The following WASHC2A variants were observed in gnomAD, a reference collection of about 807,000 sequenced individuals.
WASHC2A encodes WASH complex subunit 2A.
Under a neutral mutation model 140.3 loss-of-function variants are expected in WASHC2A, and 82 were observed. The observed-to-expected ratio is 0.58, with a 90% CI of 0.49 to 0.70. The LOEUF (loss-of-function observed/expected upper bound fraction) is 0.70, where lower values mean the gene tolerates loss of function less well. Ranked by LOEUF, WASHC2A falls within the 30% of genes least tolerant of loss-of-function variation. The pLI is 0.00. For synonymous variants in WASHC2A, 340 were observed against 560.8 expected, an observed-to-expected ratio of 0.61 and a Z score of 5.56; for missense variants, 985 against 1,521.8, an observed-to-expected ratio of 0.65 and a Z score of 5.87.
chr10:50,084,306 AC>A, intron 6 of WASHC2A, 141 bp downstream of exon 6: 1 of 806,888 alleles, frequency 1.2e-6, no homozygotes, highest in Non-Finnish European at 1.9e-6. Flanking sequence ...TTAACATTTC[AC>A]CACATTTGTT....
intron 3 of WASHC2A, among the ~76,000 whole-genome samples, chr10:50,072,600 A>C (rs1417892777): frequency 1.7e-3 from 252 of 144,404 alleles, no homozygotes; most frequent in African/African-American, 2.4e-3. Flanking sequence ...CATTCTCCTG[A>C]CTCAGCCTCC....
At chr10:50,091,617 T>A in intron 10 of WASHC2A, 99 bp downstream of exon 10, 1 of 948,772 alleles carries the variant, frequency 1.1e-6, no homozygotes, top group Non-Finnish European at 1.6e-6. Flanking sequence ...TAGTAATTAC[T>A]ACATATATTT....
Position 50,095,583 on chromosome 10 carries a change from G to C in WASHC2A, c.1241-16G>C. On this transcript the variant is annotated splice_polypyrimidine_tract_variant and intron_variant, in intron 14 of 30. Transcript: ENST00000282633. ...ACTGGCTCACAGCTGTGGCTGTCTT[G>C]TCTTTCCACCCACAGGAGACACGGA... 6.2e-7 allele frequency: 1 copy of C among 1,611,898 alleles called. No homozygotes were observed. Among genetic ancestry groups the C allele is most frequent in the Non-Finnish European group, 8.5e-7 (1 of 1,179,844 alleles).
intron 9 of WASHC2A, 125 bp from the exon 10 acceptor site, chr10:50,091,302 TTTAA>T: frequency 2.5e-6 from 3 of 1,201,362 alleles, no homozygotes; most frequent in African/African-American, 1.5e-5. Context: ...TTTAAATTCA[TTTAA>T]TTAAACTCTG....
At chr10:50,112,250 C>A in intron 20 of WASHC2A, 1 of 950,924 alleles carries the variant, frequency 1.1e-6, no homozygotes, top group Non-Finnish European at 1.2e-6. Context: ...CTGGTTCCAG[C>A]CACACACCAT....
At chr10:50,116,251 AAT>A (rs1456209627) in intron 21 of WASHC2A, among the ~76,000 whole-genome samples, 1 of 102,086 alleles carries the variant, frequency 9.8e-6, no homozygotes, top group East Asian at 2.8e-4. Context: ...ATGAAGGAAG[AAT>A]ATGATTTGCC....
chr10:50,127,257 T>C, intron 27 of WASHC2A, 35 bp downstream of exon 27: 1 of 1,611,900 alleles, frequency 6.2e-7, no homozygotes, highest in Non-Finnish European at 8.5e-7. Flanking sequence ...TTGCCTGCCC[T>C]GTGGCATCTA....
In WASHC2A at chr10:50,069,953, G is replaced by A. The variant is rs187397031; in HGVS notation, c.291+242G>A. Among the ~76,000 whole-genome samples, 43 of 152,134 alleles carry A rather than the reference G, an allele frequency of 2.8e-4. 1 individual carries two copies. Among genetic ancestry groups the A allele is most frequent in the African/African-American group, 9.9e-4 (41 of 41,478 alleles). On this transcript the variant is annotated intron_variant, in intron 3 of 30. Transcript: ENST00000282633. ...TACTTCGGTGCTTCCATCTTTTGTCGTTTTGAGAGTAGTCAGCAATTGTGC... is the reference window on the plus strand; with the variant it reads ...TACTTCGGTGCTTCCATCTTTTGTCATTTTGAGAGTAGTCAGCAATTGTGC...
chr10:50,109,229 G>A (rs1256291109), intron 19 of WASHC2A, among the ~76,000 whole-genome samples: 171 of 152,336 alleles, frequency 1.1e-3, no homozygotes, highest in African/African-American at 3.9e-3. Flanking sequence ...AAGTGCTTGG[G>A]AGTTCTTTGA....
intron 3 of WASHC2A, 118 bp downstream of exon 3, chr10:50,069,829 G>T (rs1241822999): frequency 1.3e-5 from 15 of 1,155,456 alleles, no homozygotes; most frequent in Non-Finnish European, 1.7e-5. Flanking sequence ...CTTGGTAATT[G>T]TAGCTTTTTT....
intron 16 of WASHC2A, among the ~76,000 whole-genome samples, chr10:50,098,416 A>G (rs1383482145): frequency 4.1e-5 from 6 of 147,772 alleles, no homozygotes; most frequent in Non-Finnish European, 9.0e-5. Flanking sequence ...CCTGCAATCT[A>G]GATCCCTCAC....
At chr10:50,088,526 C>G (rs1839594466) in intron 8 of WASHC2A, among the ~76,000 whole-genome samples, 1 of 151,946 alleles carries the variant, frequency 6.6e-6, no homozygotes, top group South Asian at 2.1e-4. Context: ...TCCCAGAGTA[C>G]TGGGATTACA....
intron 19 of WASHC2A, among the ~76,000 whole-genome samples, 179 bp downstream of exon 19, chr10:50,106,644 G>T (rs1841810858): frequency 6.7e-6 from 1 of 148,398 alleles, no homozygotes; most frequent in South Asian, 2.2e-4. Flanking sequence ...ATTTAAAGAT[G>T]AATCTCTTCA....
intron 21 of WASHC2A, among the ~76,000 whole-genome samples, chr10:50,114,565 T>C (rs1475213482): frequency 1.5e-5 from 2 of 133,606 alleles, no homozygotes; most frequent in Non-Finnish European, 3.2e-5. Flanking sequence ...GTAAACATGG[T>C]GTAATTTAAA....
chr10:50,097,933 A>T, intron 16 of WASHC2A, 131 bp downstream of exon 16: 3 of 1,416,280 alleles, frequency 2.1e-6, no homozygotes, highest in Non-Finnish European at 2.8e-6. Flanking sequence ...AGTGGAAAGA[A>T]CATTGCAGTG....
Position 50,097,820 on chromosome 10 carries a change from C to T in WASHC2A, c.1548+18C>T. The T allele has an allele frequency of 6.2e-7, 1 of 1,611,290 alleles. No individual in the cohort carries two copies. The highest frequency in any genetic ancestry group is 8.5e-7 in the Non-Finnish European group (1 of 1,179,560). The stretch of plus-strand genomic sequence containing the variant: ...AAAAAAAGGTGAGCAGGAGGGAAGA[C>T]TTAACGCAGGAGCATTGATCTGCCG... On this transcript the variant is annotated intron_variant, in intron 16 of 30. Transcript: ENST00000282633.
chr10:50,074,546 T>G (rs1838125420), intron 3 of WASHC2A, among the ~76,000 whole-genome samples: 1 of 151,978 alleles, frequency 6.6e-6, no homozygotes, highest in Non-Finnish European at 1.5e-5. Flanking sequence ...TGAAATTTCC[T>G]CAGCTTGAGG....
chr10:50,112,145 G>A (rs1842343709), intron 20 of WASHC2A: 2 of 984,412 alleles, frequency 2.0e-6, no homozygotes, highest in South Asian at 4.7e-5. Context: ...TTTCTGCACT[G>A]TATCCAGGTT....
chr10:50,094,755 T>C (rs1339009692), intron 13 of WASHC2A, among the ~76,000 whole-genome samples: 7 of 151,266 alleles, frequency 4.6e-5, no homozygotes, highest in Non-Finnish European at 1.0e-4. Flanking sequence ...ATGACTCACA[T>C]GTTTTTGCGG....
Sources: gnomAD v4.1 joint callset for allele counts (sites outside exome capture counted in the v4.1 genomes callset) on GRCh38, gnomAD v4.1.1 for gene constraint, MANE v1.5 for transcripts, NCBI Gene and HGNC (gene_info 2026-07-23, HGNC 2026-07-21) for gene names.